Variants in EBF1 observed in about 807,000 individuals in gnomAD.
EBF1 encodes EBF transcription factor 1, also known as transcription factor COE1.
Under a neutral mutation model 68.4 loss-of-function variants are expected in EBF1, and 10 were observed. The ratio of observed to expected loss-of-function variants is 0.15; its 90% CI spans 0.09 to 0.25. EBF1 has a LOEUF of 0.25. EBF1 is among the 10% of genes least tolerant of loss of function. The pLI is 1.00. For missense variants in EBF1, 509 were observed against 794.4 expected (o/e 0.64, Z 4.32); for synonymous variants, 298 against 299.8 (o/e 0.99, Z 0.06).
intron 6 of EBF1, among the ~76,000 whole-genome samples, chr5:158,923,386 GATGAAA>G (rs1808872176): frequency 6.6e-6 from 1 of 152,088 alleles, no homozygotes; most frequent in Non-Finnish European, 1.5e-5. Flanking sequence ...CATATTTAAT[GATGAAA>G]ATGAATCCAT....
chr5:158,937,906 A>G (rs983849361), intron 6 of EBF1, among the ~76,000 whole-genome samples: 1 of 152,210 alleles, frequency 6.6e-6, no homozygotes, highest in African/African-American at 2.4e-5. Flanking sequence ...TGCTTTCTCA[A>G]TAAACCACTC....
chr5:158,769,789 C>T (rs909150130), intron 10 of EBF1, among the ~76,000 whole-genome samples: 2 of 151,860 alleles, frequency 1.3e-5, no homozygotes, highest in Admixed American at 1.3e-4. Context: ...AGAATAAACA[C>T]TCCCTCTGCC....
At chr5:158,758,090 T>C (rs1001606164) in intron 10 of EBF1, among the ~76,000 whole-genome samples, 1 of 152,186 alleles carries the variant, frequency 6.6e-6, no homozygotes, top group Admixed American at 6.6e-5. Flanking sequence ...ATTTCAATTG[T>C]CACAACAAAC....
At chr5:158,756,879 G>A (rs534643504) in intron 10 of EBF1, among the ~76,000 whole-genome samples, 1 of 151,500 alleles carries the variant, frequency 6.6e-6, no homozygotes, top group East Asian at 2.0e-4. Flanking sequence ...GGACACGTGG[G>A]CACTAATTCC....
At chr5:158,930,262 T>G (rs1810568065) in intron 6 of EBF1, among the ~76,000 whole-genome samples, 1 of 108,240 alleles carries the variant, frequency 9.2e-6, no homozygotes. Context: ...GTTTTTTTGT[T>G]TTTTTTTTTG....
intron 8 of EBF1, among the ~76,000 whole-genome samples, chr5:158,800,569 A>T (rs1780402254): frequency 6.6e-6 from 1 of 152,228 alleles, no homozygotes; most frequent in Admixed American, 6.5e-5. Flanking sequence ...TTTTTAGAGC[A>T]AAATTACATT....
chr5:159,031,544 A>T (rs1319967253), intron 6 of EBF1, among the ~76,000 whole-genome samples: 1 of 152,212 alleles, frequency 6.6e-6, no homozygotes, highest in Non-Finnish European at 1.5e-5. Context: ...ATTTGACTTC[A>T]ACTGGGGAAG....
At chr5:158,699,441 A>G (rs1195535773) in intron 15 of EBF1, among the ~76,000 whole-genome samples, 1 of 152,230 alleles carries the variant, frequency 6.6e-6, no homozygotes, top group African/African-American at 2.4e-5. Context: ...TAGTTTGAAT[A>G]CCACTGGGAA....
intron 6 of EBF1, chr5:159,018,815 C>T (rs578082214): frequency 1.2e-4 from 18 of 152,294 alleles, no homozygotes; most frequent in South Asian, 4.1e-4. Flanking sequence ...TAAGTAACAG[C>T]GCTAAGAGTT....
intron 6 of EBF1, among the ~76,000 whole-genome samples, chr5:158,978,835 C>CACACAGAGAGAGAG (rs753714441): frequency 7.5e-5 from 11 of 147,048 alleles, no homozygotes; most frequent in African/African-American, 2.3e-4. Flanking sequence ...CACACACACA[C>CACACAGAGAGAGAG]AGAGAGAGAG....
At chr5:158,954,940 TA>T (rs1273360666) in intron 6 of EBF1, among the ~76,000 whole-genome samples, 2 of 152,028 alleles carry the variant, frequency 1.3e-5, no homozygotes. Context: ...TAAAATAATG[TA>T]AAAAGAAGAA....
intron 10 of EBF1, among the ~76,000 whole-genome samples, chr5:158,766,988 C>A (rs1381686525): frequency 6.6e-6 from 1 of 152,086 alleles, no homozygotes; most frequent in Non-Finnish European, 1.5e-5. Context: ...ATTACATTGG[C>A]AAGAATACAT....
chr5:158,938,813 G>C (rs1812637175), intron 6 of EBF1, among the ~76,000 whole-genome samples: 1 of 152,114 alleles, frequency 6.6e-6, no homozygotes, highest in African/African-American at 2.4e-5. Flanking sequence ...TATCACATCG[G>C]GGGTTGGAGC....
rs1428024135 is a variant in EBF1, at chr5:158,707,146, A to T, written c.1744+833T>A. ...TAACCTTTAGTTTTCTCATCTGTCA[A>T]ATAGCAGATATGAGTACCTACCACA... On this transcript the variant is annotated intron_variant, in intron 15 of 15. Coordinates refer to ENST00000313708, the MANE Select transcript of EBF1 (RefSeq NM_024007.5). Among the ~76,000 whole-genome samples, 6 of 152,184 alleles carry T rather than the reference A, an allele frequency of 3.9e-5. No homozygotes were observed. The East Asian group carries it at 9.6e-4, about 24-fold the overall frequency.
chr5:158,920,098 C>T (rs1808072193), intron 6 of EBF1, among the ~76,000 whole-genome samples: 2 of 152,090 alleles, frequency 1.3e-5, no homozygotes, highest in South Asian at 4.1e-4. Flanking sequence ...TGAGAAATTA[C>T]AAATCATCAA....
intron 6 of EBF1, among the ~76,000 whole-genome samples, chr5:158,933,443 T>G (rs1811329698): frequency 6.6e-6 from 1 of 152,196 alleles, no homozygotes; most frequent in South Asian, 2.1e-4. Flanking sequence ...CCCAATCAAA[T>G]TCTTAATACA....
At chr5:158,892,593 C>A (rs914991913) in intron 6 of EBF1, among the ~76,000 whole-genome samples, 1 of 152,146 alleles carries the variant, frequency 6.6e-6, no homozygotes, top group Non-Finnish European at 1.5e-5. Flanking sequence ...GTCAAAACTT[C>A]GTTTCATGCA....
chr5:158,970,268 G>A (rs562283636), intron 6 of EBF1, among the ~76,000 whole-genome samples: 10 of 152,136 alleles, frequency 6.6e-5, no homozygotes, highest in South Asian at 2.1e-4. Flanking sequence ...ATAAACCACC[G>A]GTTTCATAGA....
At position 158,853,731 on chromosome 5, in the gene EBF1, A is replaced by T. The variant is rs1793432386; in HGVS notation, c.555-13621T>A. Among the ~76,000 whole-genome samples the T allele has an allele frequency of 3.9e-5, 6 of 152,316 alleles. No individual in the cohort carries two copies. The South Asian group carries it at 1.2e-3, about 32-fold the overall frequency. On this transcript the variant is annotated intron_variant, in intron 6 of 15. Transcript: ENST00000313708. ...GTAACTTTTAGGCTCCACAACTTCA[A>T]TATTCTTAAGTCTATCACATGCACA...
Sources: gnomAD v4.1 joint callset for allele counts (sites outside exome capture counted in the v4.1 genomes callset) on GRCh38, gnomAD v4.1.1 for gene constraint, MANE v1.5 for transcripts, NCBI Gene and HGNC (gene_info 2026-07-23, HGNC 2026-07-21) for gene names.